The following MATN2 variants were observed in gnomAD, a reference collection of about 807,000 sequenced individuals.
MATN2 encodes matrilin 2.
A neutral mutation model predicts 103.2 loss-of-function variants in MATN2; 69 were observed. The observed-to-expected ratio is 0.67, with a 90% confidence interval of 0.55 to 0.82. The LOEUF (loss-of-function observed/expected upper bound fraction) is 0.82, where lower values mean the gene tolerates loss of function less well. MATN2 is among the 40% of genes least tolerant of loss of function. The pLI is 0.00. For missense variants in MATN2, 1,023 were observed against 1,211.5 expected, an observed-to-expected ratio of 0.84 and a Z score of 2.31; for synonymous variants, 429 against 450.2, an observed-to-expected ratio of 0.95 and a Z score of 0.60.
In MATN2 at chr8:98,007,749, T is replaced by TCAATGGC; in HGVS notation, c.1573+148_1573+149insCAATGGC. ...TGTGTGTGACAGCATCTCTTAGCCA[T>TCAATGGC]TAAGCCTTGGTGGCTGCTTCACCAA... On this transcript the variant is annotated intron_variant, in intron 10 of 18. Transcript: ENST00000254898. This position sits in a 1 kb window ranked among gnomAD's most constrained non-coding sequence, Gnocchi z 4.2. 2.0e-6 allele frequency: 2 copies of TCAATGGC among 995,902 alleles called. No homozygotes were observed. Among genetic ancestry groups the TCAATGGC allele is most frequent in the Non-Finnish European group, 1.4e-6 (1 of 694,220 alleles). 61.7% of individuals were successfully genotyped at this position (995,902 alleles called of 1,614,324 possible). A position where few individuals can be genotyped will look rare whatever the true frequency, so the allele number is the denominator to read the frequency against.
intron 2 of MATN2, among the ~76,000 whole-genome samples, chr8:97,924,401 G>T (rs1456454303): frequency 2.0e-5 from 3 of 151,900 alleles, no homozygotes; most frequent in Non-Finnish European, 2.9e-5. Context: ...TGGTTCTCTT[G>T]TTAAGTGCCC....
intron 2 of MATN2, among the ~76,000 whole-genome samples, chr8:97,917,439 C>T (rs1809669093): frequency 6.6e-6 from 1 of 152,162 alleles, no homozygotes; most frequent in African/African-American, 2.4e-5. Flanking sequence ...GCCTGTATGT[C>T]GAGCATTCTT....
intron 13 of MATN2, among the ~76,000 whole-genome samples, chr8:98,022,546 A>G (rs1813636043): frequency 6.6e-6 from 1 of 152,198 alleles, no homozygotes; most frequent in Admixed American, 6.5e-5. Context: ...GGATCTTTGT[A>G]GAAAAAAATT....
intron 2 of MATN2, among the ~76,000 whole-genome samples, chr8:97,910,989 A>T (rs1449010193): frequency 6.6e-6 from 1 of 152,018 alleles, no homozygotes; most frequent in Non-Finnish European, 1.5e-5. Flanking sequence ...TAGTTTATTT[A>T]TTTATTTTTT....
At chr8:98,017,875 A>C in intron 11 of MATN2, 119 bp from the exon 12 acceptor site, 1 of 1,095,432 alleles carries the variant, frequency 9.1e-7, no homozygotes, top group Non-Finnish European at 1.4e-6. Context: ...CCCATGGACC[A>C]CTGAGCTCAG....
chr8:98,032,717 A>C (rs955727759), intron 16 of MATN2, among the ~76,000 whole-genome samples: 1 of 152,068 alleles, frequency 6.6e-6, no homozygotes. Context: ...TTTTTAGTAG[A>C]GACGGGGTTT....
chr8:97,917,384 C>T (rs1809666780), intron 2 of MATN2, among the ~76,000 whole-genome samples: 1 of 152,198 alleles, frequency 6.6e-6, no homozygotes, highest in African/African-American at 2.4e-5. Context: ...TTGTGAACTT[C>T]GGCTCTGCTC....
Position 98,011,677 on chromosome 8 carries a change from G to A in MATN2, c.1573+4076G>A, listed in dbSNP as rs1184441977. 5.3e-5 allele frequency among the ~76,000 whole-genome samples: 8 copies of A among 152,170 alleles called. No individual in the cohort carries two copies. The East Asian group carries it at 1.2e-3, about 22-fold the overall frequency. On this transcript the variant is annotated intron_variant, in intron 10 of 18. Transcript: ENST00000254898. ...AGGAAGCAGTGTAATTCTATCTGTC[G>A]GCTTCTGGTTACTGTCTTGGCAGAT...
At position 97,928,338 on chromosome 8, in the gene MATN2, C is replaced by T. The variant is rs183144907; in HGVS notation, c.143-2615C>T. On this transcript the variant is annotated intron_variant, in intron 2 of 18. Transcript: ENST00000254898. ...GCCTCCTGGGTTCAAGTGATTCTCC[C>T]GCCTCAGCCTCCCAAGTAGCTGGGA... Among the ~76,000 whole-genome samples, 347 of 151,282 alleles carry T rather than the reference C, an allele frequency of 2.3e-3. 1 individual carries two copies. The highest frequency in any genetic ancestry group is 7.4e-3 in the African/African-American group (304 of 41,244).
At chr8:98,004,224 G>T (rs1188524182) in intron 8 of MATN2, 3 of 178,028 alleles carry the variant, frequency 1.7e-5, no homozygotes, top group African/African-American at 7.0e-5. Context: ...GGAGGCAGAG[G>T]TGCAGTGAGC....
At chr8:98,021,522 T>C (rs1325964239) in intron 13 of MATN2, among the ~76,000 whole-genome samples, 195 bp downstream of exon 13, 2 of 152,164 alleles carry the variant, frequency 1.3e-5, no homozygotes, top group Non-Finnish European at 2.9e-5. Flanking sequence ...TGACAGTAAA[T>C]TCATTATCAG....
chr8:97,965,026 G>A lies in MATN2; in HGVS notation c.958+3496G>A, dbSNP rs111760326. ...AGGGATTATAGACATGAGCCACTGCGCCCGACTGACCCCATTTCTTACCCA... is the reference window on the plus strand; with the variant it reads ...AGGGATTATAGACATGAGCCACTGCACCCGACTGACCCCATTTCTTACCCA... On this transcript the variant is annotated intron_variant, in intron 5 of 18. Transcript: ENST00000254898. 5.8e-3 allele frequency among the ~76,000 whole-genome samples: 885 copies of A among 152,074 alleles called. 8 individuals are homozygous for A. The highest frequency in any genetic ancestry group is 8.5e-3 in the Non-Finnish European group (576 of 67,934).
chr8:98,016,564 A>G lies in MATN2; in HGVS notation c.1598A>G (p.Asp533Gly), dbSNP rs984623534. 7 of 1,610,118 alleles carry G rather than the reference A, an allele frequency of 4.3e-6. No individual in the cohort carries two copies. In the African/African-American group the frequency reaches 8.0e-5, roughly 18 times the overall value. ...GAATTGGACTCTTGTGCTCTGGGGG[A>G]CCACGGTTGTGAACATTCGTGTGTA... ...CAKLDSCALG[D>G]HGCEHSCVSS... Residue 533 changes from aspartate (D) to glycine (G), a missense_variant, in exon 11 of 19, where the codon GAC becomes GGC. Physicochemically the swap from Asp to Gly is moderately conservative, Grantham distance 94. Transcript: ENST00000254898.
chr8:97,887,972 T>C (rs1264519797), intron 1 of MATN2, 103 bp from the exon 2 acceptor site: 2 of 1,092,234 alleles, frequency 1.8e-6, no homozygotes, highest in East Asian at 2.8e-5. Flanking sequence ...GCAAGTGGTC[T>C]GTTTGAACTC....
intron 2 of MATN2, among the ~76,000 whole-genome samples, chr8:97,927,614 T>G (rs1224340866): frequency 6.6e-6 from 1 of 152,236 alleles, no homozygotes; most frequent in Non-Finnish European, 1.5e-5. Context: ...TTCAGTTACT[T>G]GGGCTGCCAG....
intron 2 of MATN2, among the ~76,000 whole-genome samples, chr8:97,908,315 C>T (rs1819252051): frequency 6.6e-6 from 1 of 151,738 alleles, no homozygotes; most frequent in Admixed American, 6.6e-5. Context: ...GAGATCTTTA[C>T]AACTAGGAAT....
chr8:97,920,473 G>C (rs1809775489), intron 2 of MATN2, among the ~76,000 whole-genome samples: 1 of 152,206 alleles, frequency 6.6e-6, no homozygotes, highest in African/African-American at 2.4e-5. Flanking sequence ...CTCCCAAAGT[G>C]CTGAGATTAT....
intron 13 of MATN2, among the ~76,000 whole-genome samples, chr8:98,021,679 TAA>T (rs397778924): frequency 0.012 from 1,555 of 132,318 alleles, 16 homozygotes; most frequent in African/African-American, 0.025. Context: ...AGTTTAAACA[TAA>T]AAAAAAAAAA....
chr8:97,975,797 A>G (rs112163737), intron 5 of MATN2, among the ~76,000 whole-genome samples: 1,696 of 152,324 alleles, frequency 0.011, 15 homozygotes, highest in Non-Finnish European at 0.017. Flanking sequence ...AGGCTCTGGC[A>G]TGGCCAACTC....
Sources: allele counts gnomAD v4.1 joint callset (sites outside exome capture counted in the v4.1 genomes callset), GRCh38; gene constraint gnomAD v4.1.1; non-coding constraint Gnocchi (gnomAD v3.1); transcripts MANE v1.5; gene names NCBI Gene and HGNC (gene_info 2026-07-23, HGNC 2026-07-21).